SYNPR: variants seen among roughly 807,000 people sequenced by gnomAD.
SYNPR encodes synaptoporin.
Under a neutral mutation model 32.9 loss-of-function variants are expected in SYNPR, and 23 were observed. The observed-to-expected ratio is 0.70, with a 90% CI of 0.50 to 0.99. The LOEUF is 0.99. Among genes scored for constraint, SYNPR ranks in the 50% least tolerant of loss-of-function variants. The pLI is 0.00. For synonymous variants in SYNPR, 146 were observed against 135.9 expected (o/e 1.07, Z -0.52); for missense variants, 318 against 349.3 (o/e 0.91, Z 0.71).
intron 4 of SYNPR, among the ~76,000 whole-genome samples, chr3:63,565,464 A>G (rs912223771): frequency 2.6e-5 from 4 of 152,188 alleles, no homozygotes; most frequent in African/African-American, 7.2e-5. Flanking sequence ...CTGCGTCCTC[A>G]CGTGGTAGAA....
intron 2 of SYNPR, among the ~76,000 whole-genome samples, chr3:63,359,791 G>A (rs912175170): frequency 1.9e-4 from 29 of 152,162 alleles, no homozygotes; most frequent in African/African-American, 7.0e-4. Flanking sequence ...CTGAACCTCA[G>A]TCTCCATATT....
intron 2 of SYNPR, among the ~76,000 whole-genome samples, chr3:63,318,501 T>A (rs980304569): frequency 6.6e-6 from 1 of 152,054 alleles, no homozygotes; most frequent in Non-Finnish European, 1.5e-5. Flanking sequence ...TCAAAGACCT[T>A]GTCTTTGAGC....
chr3:63,340,591 T>C (rs554818627), intron 2 of SYNPR, among the ~76,000 whole-genome samples: 19 of 151,638 alleles, frequency 1.3e-4, no homozygotes, highest in Middle Eastern at 3.4e-3. Flanking sequence ...GGCTAATTTT[T>C]TGTATTTTTA....
chr3:63,229,377 C>G (rs2086151565), intron 1 of SYNPR, among the ~76,000 whole-genome samples: 1 of 152,042 alleles, frequency 6.6e-6, no homozygotes, highest in Non-Finnish European at 1.5e-5. Flanking sequence ...ATGCATGAGA[C>G]CGTTAGGATG....
intron 4 of SYNPR, among the ~76,000 whole-genome samples, chr3:63,598,741 C>T (rs990421466): frequency 5.3e-5 from 8 of 152,110 alleles, no homozygotes; most frequent in African/African-American, 1.7e-4. Flanking sequence ...CACTGAAGCA[C>T]ATTTTGAAGG....
chr3:63,470,568 G>T (rs981941970), intron 2 of SYNPR, among the ~76,000 whole-genome samples: 1 of 152,168 alleles, frequency 6.6e-6, no homozygotes, highest in African/African-American at 2.4e-5. Flanking sequence ...ACTGGATCTT[G>T]CATGGGCTTG....
chr3:63,356,320 T>G (rs6772788), intron 2 of SYNPR, among the ~76,000 whole-genome samples: 5,627 of 152,334 alleles, frequency 0.037, 274 homozygotes, highest in African/African-American at 0.11. Flanking sequence ...CACCACAGTC[T>G]ACTTGGACAA....
At chr3:63,274,291 G>A (rs577411289), upstream of SYNPR, among the ~76,000 whole-genome samples, 42 of 152,332 alleles carry the variant, frequency 2.8e-4, no homozygotes, top group South Asian at 8.5e-3. Context: ...AATAATGCAA[G>A]TTCTTCTATT....
chr3:63,251,519 A>G (rs2086330805), intron 1 of SYNPR, among the ~76,000 whole-genome samples: 1 of 152,174 alleles, frequency 6.6e-6, no homozygotes, highest in African/African-American at 2.4e-5. Flanking sequence ...GTGTCCTGAC[A>G]TAATGCTGAA....
At chr3:63,202,418 G>A in the SYNPR span, among the ~76,000 whole-genome samples, 53 of 152,234 alleles carry the variant, frequency 3.5e-4, no homozygotes, top group African/African-American at 1.2e-3. Context: ...GCCCAGATGG[G>A]AGAAGAGAAG....
At chr3:63,577,469 G>GT (rs552330146) in intron 4 of SYNPR, among the ~76,000 whole-genome samples, 1 of 152,014 alleles carries the variant, frequency 6.6e-6, no homozygotes, top group Non-Finnish European at 1.5e-5. Context: ...CTTGGGAACT[G>GT]TTTTTTTGGA....
At chr3:63,219,312 C>T in the SYNPR span, among the ~76,000 whole-genome samples, 3 of 152,136 alleles carry the variant, frequency 2.0e-5, no homozygotes, top group African/African-American at 7.2e-5. Context: ...GAAAGTTGGC[C>T]AGTGCGTCCA....
chr3:63,308,640 G>C (rs2086931352), intron 2 of SYNPR, among the ~76,000 whole-genome samples: 1 of 151,912 alleles, frequency 6.6e-6, no homozygotes, highest in South Asian at 2.1e-4. Context: ...TTGCTCCACT[G>C]TCTTGTTACT....
At chr3:63,476,892 G>T (rs1700938794) in intron 2 of SYNPR, among the ~76,000 whole-genome samples, 1 of 152,132 alleles carries the variant, frequency 6.6e-6, no homozygotes. Context: ...CCTTATCCTT[G>T]TCTTTTCTGT....
At chr3:63,425,540 T>C (rs1394253220) in intron 2 of SYNPR, among the ~76,000 whole-genome samples, 5 of 152,292 alleles carry the variant, frequency 3.3e-5, no homozygotes, top group Admixed American at 6.5e-5. Flanking sequence ...GATACCATTT[T>C]TGAGCTCTCA....
At chr3:63,477,598 C>A (rs903656431) in intron 2 of SYNPR, among the ~76,000 whole-genome samples, 1 of 152,188 alleles carries the variant, frequency 6.6e-6, no homozygotes, top group Non-Finnish European at 1.5e-5. Flanking sequence ...GCTGCCTGCT[C>A]TGGCTCTTCA....
chr3:63,486,044 G>C (rs7430968), intron 3 of SYNPR, among the ~76,000 whole-genome samples: 28,948 of 152,110 alleles, frequency 0.19, 3,099 homozygotes, highest in East Asian at 0.26. Context: ...GAGTAGCTGA[G>C]ATTACAGATG....
intron 2 of SYNPR, among the ~76,000 whole-genome samples, chr3:63,356,839 A>C (rs2087590084): frequency 6.6e-6 from 1 of 152,250 alleles, no homozygotes. Flanking sequence ...AGGCAAATAA[A>C]ACAAAGCAAT....
intron 4 of SYNPR, chr3:63,561,363 G>A (rs1702686114): frequency 6.6e-6 from 1 of 152,156 alleles, no homozygotes; most frequent in Non-Finnish European, 1.5e-5. Flanking sequence ...GCTTAGAGCA[G>A]TTACCAACTC....
Sources: gnomAD v4.1 joint callset for allele counts (sites outside exome capture counted in the v4.1 genomes callset) on GRCh38, gnomAD v4.1.1 for gene constraint, MANE v1.5 for transcripts, NCBI Gene and HGNC (gene_info 2026-07-23, HGNC 2026-07-21) for gene names.